The following FAM149B1 variants were observed in gnomAD, a reference collection of about 807,000 sequenced individuals.
FAM149B1 encodes family with sequence similarity 149 member B1.
A neutral mutation model predicts 75.3 loss-of-function variants in FAM149B1; 56 were observed. The observed-to-expected ratio is 0.74, with a 90% CI of 0.60 to 0.93. The LOEUF (loss-of-function observed/expected upper bound fraction) is 0.93. FAM149B1 is among the 40% of genes least tolerant of loss of function. FAM149B1 has a pLI of 0.00. For synonymous variants in FAM149B1, 259 were observed against 256.1 expected (o/e 1.01, Z -0.11); for missense variants, 639 against 708.4 (o/e 0.90, Z 1.11).
At chr10:73,177,770 T>G in intron 2 of FAM149B1, 76 bp from the exon 3 acceptor site, 1 of 1,321,868 alleles carries the variant, frequency 7.6e-7, no homozygotes. Flanking sequence ...AGTTGCTGAG[T>G]AGTTAATGCC....
intron 8 of FAM149B1, among the ~76,000 whole-genome samples, chr10:73,229,019 GTTTTTT>G (rs1181101247): frequency 6.6e-6 from 1 of 152,044 alleles, no homozygotes; most frequent in Non-Finnish European, 1.5e-5. Flanking sequence ...GGCTGTTTTT[GTTTTTT>G]AATATTTAAA....
intron 3 of FAM149B1, among the ~76,000 whole-genome samples, chr10:73,190,456 G>A (rs766132681): frequency 1.3e-5 from 2 of 151,070 alleles, no homozygotes; most frequent in African/African-American, 4.9e-5. Context: ...TACAGGTGTC[G>A]GCCACCATCG....
intron 13 of FAM149B1, among the ~76,000 whole-genome samples, chr10:73,239,862 A>G (rs530483607): frequency 6.6e-6 from 1 of 152,336 alleles, no homozygotes; most frequent in East Asian, 1.9e-4. Flanking sequence ...ATTCTATCGC[A>G]TTAACTCTTT....
chr10:73,213,673 G>A (rs1248943194), intron 7 of FAM149B1, among the ~76,000 whole-genome samples: 4 of 151,980 alleles, frequency 2.6e-5, no homozygotes, highest in South Asian at 2.1e-4. Flanking sequence ...ATTCCATTCC[G>A]TTGGTCTGTG....
chr10:73,244,254 G>C lies in FAM149B1; in HGVS notation c.*3235G>C. 1 of 243,898 alleles carries C rather than the reference G, an allele frequency of 4.1e-6. No individual in the cohort carries two copies. Among genetic ancestry groups the C allele is most frequent in the Non-Finnish European group, 7.9e-6 (1 of 126,366 alleles). 15.1% of individuals were successfully genotyped at this position (243,898 alleles called of 1,614,324 possible). ...CTCACAACTGTAATCCCCATACCTT[G>C]GGAGGCCAAGGTGGGAGGATCACTT... On this transcript the variant is annotated 3_prime_UTR_variant, in exon 14 of 14. Transcript: ENST00000242505.
intron 7 of FAM149B1, among the ~76,000 whole-genome samples, chr10:73,221,369 C>A (rs56745042): frequency 0.1 from 15,895 of 151,994 alleles, 1,178 homozygotes; most frequent in East Asian, 0.3. Context: ...TTAACTGTTT[C>A]TTTTGTAGAT....
In FAM149B1 at chr10:73,168,308, TGAG is replaced by T. The variant is rs762316170; in HGVS notation, c.-2_1del. ...CTGGCGTGCCTGCCCCGGCCGCGGC[TGAG>T]GAGGAGGAGGAGGAGGAGGAGGAGG... On this transcript the variant is annotated 5_prime_UTR_variant, in exon 1 of 14. Coordinates refer to ENST00000242505, the MANE Select transcript of FAM149B1 (RefSeq NM_173348.2). 77,974 of 1,059,574 alleles carry T rather than the reference TGAG, an allele frequency of 0.074. No individual in the cohort carries two copies. The highest frequency in any genetic ancestry group is 0.16 in the South Asian group (6,692 of 43,026). The allele number at this position is 1,059,574 out of a possible 1,614,324, so 65.6% of individuals were successfully genotyped here.
intron 2 of FAM149B1, among the ~76,000 whole-genome samples, chr10:73,175,751 AATAAC>A (rs1358204472): frequency 5.9e-5 from 9 of 152,092 alleles, no homozygotes; most frequent in Admixed American, 6.5e-5. Flanking sequence ...CAAACAATAA[AATAAC>A]ATAACATAAA....
intron 3 of FAM149B1, among the ~76,000 whole-genome samples, chr10:73,189,915 T>C (rs1347772377): frequency 1.3e-5 from 2 of 152,258 alleles, no homozygotes. Flanking sequence ...AAGGACAAGA[T>C]AACATCTATT....
intron 5 of FAM149B1, 31 bp from the exon 6 acceptor site, chr10:73,208,588 A>G (rs2043118446): frequency 7.0e-7 from 1 of 1,430,200 alleles, no homozygotes; most frequent in Non-Finnish European, 9.4e-7. Flanking sequence ...TGTTTACATA[A>G]TTAATATTTA....
chr10:73,192,548 T>C lies in FAM149B1; in HGVS notation c.283-8T>C. The C allele has an allele frequency of 6.5e-7, 1 of 1,549,122 alleles. No homozygotes were observed. Among genetic ancestry groups the C allele is most frequent in the Non-Finnish European group, 8.7e-7 (1 of 1,146,352 alleles). On this transcript the variant is annotated splice_region_variant and splice_polypyrimidine_tract_variant and intron_variant, in intron 3 of 13. Transcript: ENST00000242505. ...ACCTAAATATTTGGGGGGAATATTT[T>C]CTTCTAGGAACTCGATCAAAATGCC...
chr10:73,233,127 C>T lies in FAM149B1; in HGVS notation c.1316C>T (p.Pro439Leu). The T allele has an allele frequency of 6.4e-7, 1 of 1,551,718 alleles. No homozygotes were observed. Among genetic ancestry groups the T allele is most frequent in the Non-Finnish European group, 8.7e-7 (1 of 1,146,994 alleles). ...ACGAGCCATTCATGTGCTGAAACAC[C>T]AAGATCTGTGGAAGAAATCCTCAGA... ...ISTSHSCAET[P>L]RSVEEILRGA... Residue 439 changes from proline to leucine, a missense_variant, in exon 10 of 14, where the codon CCA becomes CTA. Transcript: ENST00000242505.
At chr10:73,171,605 A>T (rs1486124049) in intron 1 of FAM149B1, among the ~76,000 whole-genome samples, 1 of 150,962 alleles carries the variant, frequency 6.6e-6, no homozygotes, top group Admixed American at 6.6e-5. Context: ...TATTTGCTTC[A>T]TCTATCTTCC....
chr10:73,230,459 T>C lies in FAM149B1; in HGVS notation c.1061T>C (p.Val354Ala). 1 of 1,550,456 alleles carries C rather than the reference T, an allele frequency of 6.4e-7. No homozygotes were observed. Among genetic ancestry groups the C allele is most frequent in the Non-Finnish European group, 8.7e-7 (1 of 1,145,618 alleles). ...CAAGCAAGCAGACATCAGCCAAATG[T>C]GAATGATCTCTTGGTTCATGGAATG... ...LCQASRHQPN[V>A]NDLLVHGMPL... The change falls in exon 9 of 14, where the codon GTG becomes GCG. Residue 354 changes from valine (V) to alanine (A), a missense_variant. Val to Ala is a moderately conservative substitution (Grantham distance 64). Transcript: ENST00000242505.
At chr10:73,222,858 A>C (rs890421139) in intron 7 of FAM149B1, among the ~76,000 whole-genome samples, 3 of 152,078 alleles carry the variant, frequency 2.0e-5, no homozygotes, top group Non-Finnish European at 4.4e-5. Flanking sequence ...TGCCAAGAGT[A>C]AAAGGGAAAA....
chr10:73,178,386 G>C (rs7092393), intron 3 of FAM149B1, among the ~76,000 whole-genome samples: 15,469 of 152,088 alleles, frequency 0.1, 1,149 homozygotes, highest in East Asian at 0.3. Context: ...AGCTACTCCA[G>C]AGGCTGAGGC....
At chr10:73,202,387 A>G (rs2042958556) in intron 5 of FAM149B1, among the ~76,000 whole-genome samples, 1 of 152,176 alleles carries the variant, frequency 6.6e-6, no homozygotes, top group Non-Finnish European at 1.5e-5. Flanking sequence ...ATAATTGGTT[A>G]TAAGTGGAAT....
intron 5 of FAM149B1, 76 bp downstream of exon 5, chr10:73,193,669 A>G: frequency 7.3e-7 from 1 of 1,365,122 alleles, no homozygotes; most frequent in East Asian, 2.5e-5. Flanking sequence ...GTATTAAGGG[A>G]TTAAAATACT....
At chr10:73,219,209 A>G (rs1453194785) in intron 7 of FAM149B1, among the ~76,000 whole-genome samples, 2 of 152,240 alleles carry the variant, frequency 1.3e-5, no homozygotes, top group African/African-American at 4.8e-5. Context: ...AGGAAGTACA[A>G]GACTTCCACA....
Sources: allele counts gnomAD v4.1 joint callset (sites outside exome capture counted in the v4.1 genomes callset), GRCh38; gene constraint gnomAD v4.1.1; transcripts MANE v1.5; gene names NCBI Gene and HGNC (gene_info 2026-07-23, HGNC 2026-07-21).